ACTR3C: variants seen among roughly 807,000 people sequenced by gnomAD.
ACTR3C encodes actin-related protein 3C.
Under a neutral mutation model 26.3 loss-of-function variants are expected in ACTR3C, and 18 were observed. The observed-to-expected ratio is 0.68, with a 90% CI of 0.47 to 1.01. The LOEUF (loss-of-function observed/expected upper bound fraction) is 1.01, where lower values mean the gene tolerates loss of function less well. Ranked by LOEUF, ACTR3C falls within the 50% of genes least tolerant of loss-of-function variation. The pLI is 0.00. For synonymous variants in ACTR3C, 55 were observed against 94.5 expected, an observed-to-expected ratio of 0.58 and a Z score of 2.42; for missense variants, 184 against 250.7, an observed-to-expected ratio of 0.73 and a Z score of 1.80.
the ACTR3C span, among the ~76,000 whole-genome samples, chr7:149,897,063 A>G: frequency 1.6e-5 from 2 of 128,056 alleles, no homozygotes; most frequent in African/African-American, 8.8e-5. Flanking sequence ...ACCGTCTCCA[A>G]AAAAAAAAAA....
the ACTR3C span, among the ~76,000 whole-genome samples, chr7:149,882,648 G>T: frequency 6.6e-6 from 1 of 152,222 alleles, no homozygotes; most frequent in Non-Finnish European, 1.5e-5. Flanking sequence ...GTGGGAACCT[G>T]CAGGGTAAGT....
At chr7:150,041,702 C>T in the ACTR3C span, among the ~76,000 whole-genome samples, 6 of 132,808 alleles carry the variant, frequency 4.5e-5, no homozygotes, top group East Asian at 1.2e-3. Context: ...TCAGTCCCCA[C>T]CCTCGCGGGG....
the ACTR3C span, among the ~76,000 whole-genome samples, chr7:149,959,092 G>A: frequency 3.2e-4 from 49 of 152,278 alleles, no homozygotes; most frequent in Non-Finnish European, 3.5e-4. Context: ...ATGTTGGCTC[G>A]GTGCCCTGTG....
At chr7:150,097,198 ACT>A in the ACTR3C span, among the ~76,000 whole-genome samples, 1 of 151,774 alleles carries the variant, frequency 6.6e-6, no homozygotes, top group Non-Finnish European at 1.5e-5. Context: ...GAATCACAGG[ACT>A]CTGTGTTAGG....
chr7:150,306,686 A>T (rs1795830849), intron 1 of ACTR3C, among the ~76,000 whole-genome samples: 1 of 152,210 alleles, frequency 6.6e-6, no homozygotes, highest in African/African-American at 2.4e-5. Flanking sequence ...GTTTGGAGAA[A>T]CAATTTAGCA....
the ACTR3C span, among the ~76,000 whole-genome samples, chr7:150,210,964 T>C: frequency 6.8e-6 from 1 of 146,652 alleles, no homozygotes; most frequent in Non-Finnish European, 1.5e-5. Flanking sequence ...GAGGTAATAA[T>C]CTTCTTTTGT....
intron 6 of ACTR3C, among the ~76,000 whole-genome samples, chr7:150,255,404 T>C (rs1420805610): frequency 6.6e-6 from 1 of 152,110 alleles, no homozygotes; most frequent in Non-Finnish European, 1.5e-5. Context: ...TAGGCTCCCA[T>C]ATGTCTTCCT....
At chr7:150,142,826 GC>G in the ACTR3C span, among the ~76,000 whole-genome samples, 4 of 143,452 alleles carry the variant, frequency 2.8e-5, no homozygotes, top group African/African-American at 1.0e-4. Flanking sequence ...ACTACGCCTG[GC>G]TTTTTTTTGT....
At chr7:150,178,539 C>T in the ACTR3C span, among the ~76,000 whole-genome samples, 1 of 150,508 alleles carries the variant, frequency 6.6e-6, no homozygotes, top group African/African-American at 2.5e-5. Flanking sequence ...CCACCTTGGC[C>T]TCCCAAAATG....
chr7:150,183,523 T>C, the ACTR3C span, among the ~76,000 whole-genome samples: 13 of 149,562 alleles, frequency 8.7e-5, 1 homozygote, highest in East Asian at 7.7e-4. Context: ...TAGTCAATAG[T>C]GACAGTTTTC....
the ACTR3C span, among the ~76,000 whole-genome samples, chr7:149,888,531 A>G: frequency 6.6e-6 from 1 of 152,214 alleles, no homozygotes; most frequent in Admixed American, 6.5e-5. Flanking sequence ...GCCTACTCAA[A>G]TCATTGGCTT....
At chr7:150,068,782 C>CAA in the ACTR3C span, among the ~76,000 whole-genome samples, 1,241 of 75,884 alleles carry the variant, frequency 0.016, 13 homozygotes, top group South Asian at 0.035. Flanking sequence ...GACTCCGTCC[C>CAA]AAAAAAAAAA....
chr7:150,193,445 T>A, the ACTR3C span, among the ~76,000 whole-genome samples: 1 of 151,008 alleles, frequency 6.6e-6, no homozygotes, highest in Non-Finnish European at 1.5e-5. Flanking sequence ...TCTTTATTAT[T>A]TCTTTCCTTC....
the ACTR3C span, among the ~76,000 whole-genome samples, chr7:150,076,834 G>A: frequency 1.3e-5 from 2 of 152,042 alleles, no homozygotes; most frequent in Non-Finnish European, 2.9e-5. Flanking sequence ...ATTTTTGGAG[G>A]CGTGTAGGTC....
Position 150,304,313 on chromosome 7 carries a change from C to T in ACTR3C, c.-51-8966G>A, listed in dbSNP as rs1183971996. On this transcript the variant is annotated intron_variant, in intron 1 of 7. Transcript: ENST00000683684. Reference sequence around the variant, plus strand: ...ATTCAGATGTAGGGCACTGCTATGGCTAGCATTTTTTTATTTCACCAGGTT... The same window carrying T: ...ATTCAGATGTAGGGCACTGCTATGGTTAGCATTTTTTTATTTCACCAGGTT... Among the ~76,000 whole-genome samples, 4 of 152,104 alleles carry T rather than the reference C, an allele frequency of 2.6e-5. No homozygotes were observed. The East Asian group carries it at 7.7e-4, about 29-fold the overall frequency.
the ACTR3C span, among the ~76,000 whole-genome samples, chr7:149,971,083 C>T: frequency 5.3e-5 from 8 of 152,204 alleles, no homozygotes; most frequent in Admixed American, 3.9e-4. Context: ...AGGAGGCAAC[C>T]GATGGCTCTG....
chr7:150,209,304 C>G, the ACTR3C span, among the ~76,000 whole-genome samples: 3 of 134,184 alleles, frequency 2.2e-5, no homozygotes, highest in South Asian at 4.5e-4. Context: ...GAGAGAGAGA[C>G]AGAAACAGAG....
At chr7:150,304,042 A>G (rs1186395430) in intron 1 of ACTR3C, among the ~76,000 whole-genome samples, 3 of 152,262 alleles carry the variant, frequency 2.0e-5, no homozygotes, top group Admixed American at 2.0e-4. Flanking sequence ...ATGCCCCTCT[A>G]AAACTACAGT....
chr7:149,911,048 T>G, the ACTR3C span, among the ~76,000 whole-genome samples: 2 of 152,016 alleles, frequency 1.3e-5, no homozygotes, highest in African/African-American at 4.8e-5. Context: ...CAAGGCCAAG[T>G]GGACCTACCA....
Sources: gnomAD v4.1 joint callset for allele counts (sites outside exome capture counted in the v4.1 genomes callset) on GRCh38, gnomAD v4.1.1 for gene constraint, MANE v1.5 for transcripts, NCBI Gene and HGNC (gene_info 2026-07-23, HGNC 2026-07-21) for gene names.